The following DLG2 variants were observed in gnomAD, a reference collection of about 807,000 sequenced individuals.
The protein encoded by DLG2 is disks large homolog 2.
A neutral mutation model predicts 132.5 loss-of-function variants in DLG2; 45 were observed. That is an observed-to-expected ratio of 0.34 (90% CI 0.27 to 0.44). The LOEUF (loss-of-function observed/expected upper bound fraction) is 0.44. Ranked by LOEUF, DLG2 falls within the 20% of genes least tolerant of loss-of-function variation. The pLI is 1.00. For missense variants in DLG2, 1,045 were observed against 1,196.9 expected, an observed-to-expected ratio of 0.87 and a Z score of 1.87; for synonymous variants, 424 against 419.6, an observed-to-expected ratio of 1.01 and a Z score of -0.13.
intron 17 of DLG2, among the ~76,000 whole-genome samples, chr11:83,788,804 C>T (rs1374796694): frequency 6.6e-6 from 1 of 152,184 alleles, no homozygotes; most frequent in African/African-American, 2.4e-5. Flanking sequence ...TAAAAGTCCC[C>T]TCACCATCTC....
chr11:84,088,106 T>C lies in DLG2; in HGVS notation c.749+10817A>G, dbSNP rs938661526. Among the ~76,000 whole-genome samples the C allele has an allele frequency of 2.0e-5, 3 of 152,206 alleles. No homozygotes were observed. In the South Asian group the frequency reaches 6.2e-4, roughly 32 times the overall value. On this transcript the variant is annotated intron_variant, in intron 10 of 27. Transcript: ENST00000376104. ...ATCTTTTAACTTCTTGATAGTGTCC[T>C]TTGAAAGCACAAAGTTTTTAATTGA...
At chr11:83,676,738 A>G (rs1394271336) in intron 18 of DLG2, among the ~76,000 whole-genome samples, 1 of 151,950 alleles carries the variant, frequency 6.6e-6, no homozygotes, top group Non-Finnish European at 1.5e-5. Context: ...TTTGTTTTGC[A>G]AGCTTGGCAC....
intron 3 of DLG2, among the ~76,000 whole-genome samples, chr11:85,348,465 C>T (rs930570622): frequency 4.0e-5 from 6 of 151,754 alleles, no homozygotes; most frequent in Admixed American, 6.6e-5. Flanking sequence ...CCTCGTGATC[C>T]GCCCGCCTCG....
chr11:84,639,027 C>G (rs1028004377), intron 6 of DLG2, among the ~76,000 whole-genome samples: 7 of 152,192 alleles, frequency 4.6e-5, no homozygotes, highest in Non-Finnish European at 1.5e-5. Flanking sequence ...TTTCACATCA[C>G]GTCTGCATGA....
At chr11:84,901,403 C>T (rs773807104) in intron 6 of DLG2, among the ~76,000 whole-genome samples, 2 of 152,078 alleles carry the variant, frequency 1.3e-5, no homozygotes, top group African/African-American at 4.8e-5. Flanking sequence ...AAGTTACTCA[C>T]GCACTTTACT....
intron 7 of DLG2, among the ~76,000 whole-genome samples, chr11:84,500,563 C>A (rs947052275): frequency 6.6e-6 from 1 of 152,192 alleles, no homozygotes; most frequent in Admixed American, 6.5e-5. Context: ...TCTCTATAAT[C>A]TGGCTAGGAA....
At chr11:84,847,803 A>T (rs77941252) in intron 6 of DLG2, among the ~76,000 whole-genome samples, 1,923 of 152,266 alleles carry the variant, frequency 0.013, 13 homozygotes, top group Non-Finnish European at 0.021. Flanking sequence ...TTCTAATCCC[A>T]AGGTAGAAGG....
At chr11:85,357,323 G>A (rs2083784182) in intron 3 of DLG2, among the ~76,000 whole-genome samples, 2 of 145,396 alleles carry the variant, frequency 1.4e-5, no homozygotes, top group Non-Finnish European at 3.0e-5. Context: ...CTCCCGGGTA[G>A]CTGGGACTAC....
rs549895071 is a variant in DLG2, at chr11:83,962,851, G to C, written c.1340+34C>G. 2.6e-5 allele frequency: 42 copies of C among 1,609,546 alleles called. No homozygotes were observed. In the Admixed American group the frequency reaches 5.5e-4, roughly 21 times the overall value. On this transcript the variant is annotated intron_variant, in intron 14 of 27. Transcript: ENST00000376104. ...AAATGTGATTTCTTTCTGGTAATAA[G>C]AGCAAATCCAATTAACTAACAGGCA...
intron 9 of DLG2, among the ~76,000 whole-genome samples, chr11:84,159,153 A>G (rs932607432): frequency 1.1e-4 from 16 of 152,122 alleles, no homozygotes; most frequent in African/African-American, 3.9e-4. Flanking sequence ...GATGCCAACC[A>G]CTCCCTGAGT....
At chr11:83,745,628 C>A (rs572337801) in intron 18 of DLG2, among the ~76,000 whole-genome samples, 55 of 151,996 alleles carry the variant, frequency 3.6e-4, no homozygotes, top group Non-Finnish European at 6.6e-4. Context: ...ATGGTGAAAC[C>A]CCGTCTCTAC....
At chr11:84,304,837 T>C (rs2098197574) in intron 7 of DLG2, among the ~76,000 whole-genome samples, 1 of 152,338 alleles carries the variant, frequency 6.6e-6, no homozygotes, top group African/African-American at 2.4e-5. Flanking sequence ...CTGGACTAGT[T>C]GGAAGGCAAG....
intron 6 of DLG2, among the ~76,000 whole-genome samples, chr11:84,762,821 A>G (rs1011128811): frequency 2.0e-5 from 3 of 152,216 alleles, no homozygotes; most frequent in Non-Finnish European, 4.4e-5. Context: ...ATCTAAGAGT[A>G]AGTGAGTAAT....
At chr11:84,835,701 G>A (rs1370332108) in intron 6 of DLG2, among the ~76,000 whole-genome samples, 1 of 151,608 alleles carries the variant, frequency 6.6e-6, no homozygotes, top group Non-Finnish European at 1.5e-5. Flanking sequence ...TTTTACGAAT[G>A]AAAACTTTTT....
intron 6 of DLG2, among the ~76,000 whole-genome samples, chr11:85,001,219 G>A (rs2058178310): frequency 6.6e-6 from 1 of 151,418 alleles, no homozygotes; most frequent in Non-Finnish European, 1.5e-5. Flanking sequence ...TCAGCCTCTT[G>A]AGTAACTGGG....
chr11:84,128,818 T>C (rs1384672011), intron 9 of DLG2, among the ~76,000 whole-genome samples: 1 of 152,094 alleles, frequency 6.6e-6, no homozygotes, highest in Non-Finnish European at 1.5e-5. Context: ...ACACAAGCAG[T>C]AGCCATTTAA....
At chr11:84,565,327 C>T (rs1294781830) in intron 6 of DLG2, among the ~76,000 whole-genome samples, 4 of 152,042 alleles carry the variant, frequency 2.6e-5, no homozygotes, top group Non-Finnish European at 5.9e-5. Flanking sequence ...GGATTTGGGT[C>T]TAAATATGTC....
chr11:84,519,505 T>G lies in DLG2; in HGVS notation c.519+15065A>C, dbSNP rs377659084. On this transcript the variant is annotated intron_variant, in intron 7 of 27. Coordinates refer to ENST00000376104, the MANE Select transcript of DLG2 (RefSeq NM_001142699.3). Reference sequence around the variant, plus strand: ...TAAACAGAAAACTGCCTTGTAAGAATACATCAAAAATACTGAGGAGAATGG... The same window carrying G: ...TAAACAGAAAACTGCCTTGTAAGAAGACATCAAAAATACTGAGGAGAATGG... 2.0e-4 allele frequency among the ~76,000 whole-genome samples: 31 copies of G among 152,276 alleles called. 1 individual carries two copies. The South Asian group carries it at 3.7e-3, about 18-fold the overall frequency.
chr11:84,446,406 T>G (rs1031095636), intron 7 of DLG2, among the ~76,000 whole-genome samples: 3 of 152,164 alleles, frequency 2.0e-5, no homozygotes, highest in Non-Finnish European at 4.4e-5. Context: ...CTGCATCGTA[T>G]TGTACATTTT....
Sources: allele counts gnomAD v4.1 joint callset (sites outside exome capture counted in the v4.1 genomes callset), GRCh38; gene constraint gnomAD v4.1.1; transcripts MANE v1.5; gene names NCBI Gene and HGNC (gene_info 2026-07-23, HGNC 2026-07-21).